The following ERBB4 variants were observed in gnomAD, a reference collection of about 807,000 sequenced individuals.
The protein encoded by ERBB4 is receptor tyrosine-protein kinase erbB-4.
Under a neutral mutation model 158.0 loss-of-function variants are expected in ERBB4, and 42 were observed. The ratio of observed to expected loss-of-function variants is 0.27; its 90% CI spans 0.21 to 0.34. ERBB4 has a LOEUF of 0.34. Ranked by LOEUF, ERBB4 falls within the 10% of genes least tolerant of loss-of-function variation. The pLI, the probability that ERBB4 is intolerant of heterozygous loss-of-function variation, is 1.00. For synonymous variants in ERBB4, 583 were observed against 558.7 expected (o/e 1.04, Z -0.61); for missense variants, 1,333 against 1,624.1 (o/e 0.82, Z 3.08).
chr2:211,631,075 C>T (rs1559365362), intron 16 of ERBB4, among the ~76,000 whole-genome samples: 3 of 152,090 alleles, frequency 2.0e-5, no homozygotes, highest in Admixed American at 6.6e-5. Flanking sequence ...AGTTTGTTGT[C>T]GCGAAGTGTC....
intron 20 of ERBB4, among the ~76,000 whole-genome samples, chr2:211,535,254 T>C (rs1485552368): frequency 2.0e-5 from 3 of 152,094 alleles, no homozygotes; most frequent in African/African-American, 7.2e-5. Flanking sequence ...TTGCTGTTGG[T>C]AAAATATGTT....
At chr2:211,662,825 T>G (rs1356587719) in intron 15 of ERBB4, among the ~76,000 whole-genome samples, 2 of 152,216 alleles carry the variant, frequency 1.3e-5, no homozygotes, top group African/African-American at 4.8e-5. Context: ...GTATTCAAAG[T>G]AAGAACTTTA....
chr2:211,558,795 C>T (rs1228091771), intron 20 of ERBB4, among the ~76,000 whole-genome samples: 1 of 151,938 alleles, frequency 6.6e-6, no homozygotes, highest in African/African-American at 2.4e-5. Flanking sequence ...GGACTCCCTG[C>T]TTAAGGGTAG....
chr2:211,600,763 T>C (rs2068774770), intron 19 of ERBB4, among the ~76,000 whole-genome samples: 1 of 152,130 alleles, frequency 6.6e-6, no homozygotes, highest in Non-Finnish European at 1.5e-5. Flanking sequence ...TAACTTTTTG[T>C]TTCTTTTTGG....
At chr2:212,033,490 A>T (rs1230193462) in intron 2 of ERBB4, among the ~76,000 whole-genome samples, 2 of 151,912 alleles carry the variant, frequency 1.3e-5, no homozygotes, top group East Asian at 3.8e-4. Flanking sequence ...TTAAAAGCAA[A>T]AAAACTTTTC....
intron 1 of ERBB4, among the ~76,000 whole-genome samples, chr2:212,285,418 C>A (rs1645425459): frequency 6.6e-6 from 1 of 151,490 alleles, no homozygotes; most frequent in Non-Finnish European, 1.5e-5. Flanking sequence ...TGCTGTGAGT[C>A]CCTAAGGACA....
At chr2:211,533,803 C>A (rs183870128) in intron 20 of ERBB4, among the ~76,000 whole-genome samples, 1 of 152,018 alleles carries the variant, frequency 6.6e-6, no homozygotes, top group East Asian at 1.9e-4. Flanking sequence ...TCATATATGA[C>A]AAAATAACAG....
intron 5 of ERBB4, among the ~76,000 whole-genome samples, chr2:211,739,064 T>A (rs2074703946): frequency 6.6e-6 from 1 of 152,202 alleles, no homozygotes; most frequent in African/African-American, 2.4e-5. Context: ...CACATGTTTT[T>A]AAATTTTTAA....
rs369555772 is a variant in ERBB4, at chr2:212,311,565, G to T, written c.83-186662C>A. ...CAGTTTGTAAAGATAAAATGAATTT[G>T]TTTCTTTAAATGCCTACTTTCAGAC... On this transcript the variant is annotated intron_variant, in intron 1 of 27. Coordinates refer to ENST00000342788, the MANE Select transcript of ERBB4 (RefSeq NM_005235.3). Among the ~76,000 whole-genome samples the T allele has an allele frequency of 1.1e-4, 17 of 150,900 alleles. 1 individual carries two copies. Among genetic ancestry groups the T allele is most frequent in the African/African-American group, 4.1e-4 (17 of 41,376 alleles).
At chr2:211,868,364 GA>G (rs1304235408) in intron 3 of ERBB4, among the ~76,000 whole-genome samples, 1 of 152,170 alleles carries the variant, frequency 6.6e-6, no homozygotes, top group Non-Finnish European at 1.5e-5. Context: ...TAGGTTTTGT[GA>G]AATGAAATCA....
chr2:212,334,671 A>T (rs944739509), intron 1 of ERBB4, among the ~76,000 whole-genome samples: 1 of 152,032 alleles, frequency 6.6e-6, no homozygotes, highest in Admixed American at 6.6e-5. Context: ...CATTCAGTGT[A>T]CTGCATATGG....
chr2:211,442,243 C>T (rs1287078765), intron 20 of ERBB4, among the ~76,000 whole-genome samples: 3 of 152,120 alleles, frequency 2.0e-5, no homozygotes, highest in Non-Finnish European at 4.4e-5. Flanking sequence ...TACCATGCTA[C>T]AGACACATGC....
At chr2:212,286,315 A>G (rs918847046) in intron 1 of ERBB4, among the ~76,000 whole-genome samples, 7 of 152,170 alleles carry the variant, frequency 4.6e-5, no homozygotes, top group African/African-American at 1.7e-4. Flanking sequence ...AAGAAACCTT[A>G]GTGATTCATA....
At chr2:211,771,325 T>C (rs534727484) in intron 4 of ERBB4, among the ~76,000 whole-genome samples, 1 of 152,308 alleles carries the variant, frequency 6.6e-6, no homozygotes, top group Non-Finnish European at 1.5e-5. Flanking sequence ...TCCAACAAGC[T>C]ATGGTCATAA....
At chr2:212,390,809 G>T (rs2090831931) in intron 1 of ERBB4, among the ~76,000 whole-genome samples, 1 of 151,656 alleles carries the variant, frequency 6.6e-6, no homozygotes, top group African/African-American at 2.4e-5. Flanking sequence ...CACAAGGAAG[G>T]TTAAAGTTCA....
At chr2:211,612,907 T>C (rs1442726422) in intron 19 of ERBB4, among the ~76,000 whole-genome samples, 1 of 152,042 alleles carries the variant, frequency 6.6e-6, no homozygotes, top group East Asian at 1.9e-4. Context: ...TTTGTGGGGT[T>C]GTGACATTCA....
chr2:211,500,841 A>G (rs1331551157), intron 20 of ERBB4, among the ~76,000 whole-genome samples: 1 of 151,992 alleles, frequency 6.6e-6, no homozygotes, highest in Non-Finnish European at 1.5e-5. Context: ...TAATTATTCT[A>G]TTTTTAAAAG....
intron 2 of ERBB4, among the ~76,000 whole-genome samples, chr2:211,951,249 G>A (rs1446463852): frequency 2.6e-5 from 4 of 152,122 alleles, no homozygotes; most frequent in African/African-American, 9.7e-5. Context: ...AATGTCAACA[G>A]AGAAAACACA....
chr2:212,445,445 A>G (rs531957136), intron 1 of ERBB4, among the ~76,000 whole-genome samples: 2 of 152,174 alleles, frequency 1.3e-5, no homozygotes, highest in Non-Finnish European at 2.9e-5. Context: ...AGGAGACACA[A>G]CAATGATTCA....
Sources: gnomAD v4.1 joint callset for allele counts (sites outside exome capture counted in the v4.1 genomes callset) on GRCh38, gnomAD v4.1.1 for gene constraint, MANE v1.5 for transcripts, NCBI Gene and HGNC (gene_info 2026-07-23, HGNC 2026-07-21) for gene names.